CCDC62: variants seen among roughly 807,000 people sequenced by gnomAD.
CCDC62 encodes the protein coiled-coil domain containing 62, also known as coiled-coil domain-containing protein 62.
In CCDC62, 72 loss-of-function variants were observed where a neutral mutation model predicts 80.8. The ratio of observed to expected loss-of-function variants is 0.89; its 90% CI spans 0.74 to 1.08. The LOEUF is 1.08. CCDC62 is among the 50% of genes least tolerant of loss of function. The probability of loss-of-function intolerance (pLI) is 0.00; values close to 1 mark genes in which losing one functional copy is unlikely to be tolerated. For missense variants in CCDC62, 704 were observed against 809.4 expected (o/e 0.87, Z 1.58); for synonymous variants, 286 against 296.5 (o/e 0.96, Z 0.36).
Position 122,825,408 on chromosome 12 carries a change from G to A in CCDC62, c.*41-1014G>A, listed in dbSNP as rs1209224300. On this transcript the variant is annotated intron_variant, in intron 12 of 12. Transcript: ENST00000253079. ...GTCTCCCAGTCTGGAGTGCAGTGGT[G>A]CGATCTCAGCTCACTGCAACCTCCG... 2.1e-5 allele frequency among the ~76,000 whole-genome samples: 3 copies of A among 144,392 alleles called. No individual in the cohort carries two copies. In the East Asian group the frequency reaches 6.2e-4, roughly 30 times the overall value. 94.7% of individuals were successfully genotyped at this position (144,392 alleles called of 152,430 possible).
chr12:122,826,433 A>G lies in CCDC62; in HGVS notation c.*52A>G, dbSNP rs1428290835. On this transcript the variant is annotated 3_prime_UTR_variant, in exon 13 of 13. Coordinates refer to ENST00000253079, the MANE Select transcript of CCDC62 (RefSeq NM_201435.5). ...TCATCCAAAAGCAGATTTCTCATCT[A>G]TGTGGAAGGCAGAAAGCAGACACCA... 3.8e-6 allele frequency: 3 copies of G among 780,378 alleles called. No individual in the cohort carries two copies. The highest frequency in any genetic ancestry group is 1.7e-5 in the Admixed American group (1 of 58,970). 48.3% of individuals were successfully genotyped at this position (780,378 alleles called of 1,614,324 possible).
intron 2 of CCDC62, among the ~76,000 whole-genome samples, chr12:122,779,907 C>CAA (rs35466260): frequency 1.6e-3 from 104 of 63,446 alleles, no homozygotes; most frequent in African/African-American, 1.9e-3. Flanking sequence ...GACTCTGTCT[C>CAA]AAAAAAAAAA....
chr12:122,812,777 G>GAGAGAAAGAA (rs750420995), intron 10 of CCDC62, among the ~76,000 whole-genome samples: 3 of 57,760 alleles, frequency 5.2e-5, no homozygotes, highest in African/African-American at 2.3e-4. Flanking sequence ...GAGAGAGAGA[G>GAGAGAAAGAA]AGAAAGAAAG....
intron 8 of CCDC62, among the ~76,000 whole-genome samples, chr12:122,799,311 T>A (rs537279313): frequency 6.6e-6 from 1 of 152,100 alleles, no homozygotes; most frequent in Middle Eastern, 3.4e-3. Context: ...CATCCATCCA[T>A]CCATCCGTCC....
At chr12:122,810,350 A>C (rs2031816486) in intron 10 of CCDC62, among the ~76,000 whole-genome samples, 1 of 152,304 alleles carries the variant, frequency 6.6e-6, no homozygotes, top group East Asian at 1.9e-4. Flanking sequence ...CCATCAACAA[A>C]TGGGCGAAGG....
chr12:122,818,614 A>T (rs1250801778), intron 11 of CCDC62, among the ~76,000 whole-genome samples: 1 of 151,892 alleles, frequency 6.6e-6, no homozygotes, highest in South Asian at 2.1e-4. Context: ...AGAGTGGGAC[A>T]CTGTCTAAGA....
chr12:122,811,009 G>A (rs1185046160), intron 10 of CCDC62, among the ~76,000 whole-genome samples: 1 of 145,850 alleles, frequency 6.9e-6, no homozygotes, highest in East Asian at 2.0e-4. Flanking sequence ...ATCACACACT[G>A]GGGCCTGTTG....
intron 2 of CCDC62, among the ~76,000 whole-genome samples, chr12:122,780,614 AAAAATAAAAT>A (rs57578843): frequency 0.056 from 7,600 of 136,428 alleles, 342 homozygotes; most frequent in African/African-American, 0.12. Flanking sequence ...ACTCTGTCTC[AAAAATAAAAT>A]AAAATAAAAT....
At chr12:122,820,061 C>CTAAA (rs2032335581) in intron 11 of CCDC62, among the ~76,000 whole-genome samples, 1 of 58,122 alleles carries the variant, frequency 1.7e-5, no homozygotes, top group Non-Finnish European at 2.8e-5. Flanking sequence ...GATCCTGTCT[C>CTAAA]AAAAAAAAAA....
At chr12:122,824,848 G>T (rs531717691) in intron 12 of CCDC62, among the ~76,000 whole-genome samples, 1 of 152,270 alleles carries the variant, frequency 6.6e-6, no homozygotes, top group Non-Finnish European at 1.5e-5. Flanking sequence ...ACTTTGGGAG[G>T]CCGAGGCAGG....
At chr12:122,783,470 C>T (rs1036149787) in intron 3 of CCDC62, among the ~76,000 whole-genome samples, 6 of 152,090 alleles carry the variant, frequency 3.9e-5, no homozygotes, top group Non-Finnish European at 7.4e-5. Flanking sequence ...TCGTGATCTG[C>T]CCGCCTCGGC....
intron 10 of CCDC62, among the ~76,000 whole-genome samples, chr12:122,806,766 A>G (rs1445162424): frequency 6.6e-6 from 1 of 150,446 alleles, no homozygotes; most frequent in East Asian, 1.9e-4. Flanking sequence ...ATAAGTGTGA[A>G]TCACCGTGCT....
rs751983214 is a variant in CCDC62, at chr12:122,796,874, C to CTTTTT, written c.773-431_773-430insTTTTT. ...TAATCCCTGAATCTACAAATCACTT[C>CTTTTT]TTCTTTTTTTTTTTTTTTTTTTAAG... On this transcript the variant is annotated intron_variant, in intron 6 of 12. Transcript: ENST00000253079. Among the ~76,000 whole-genome samples the CTTTTT allele has an allele frequency of 8.2e-5, 12 of 145,542 alleles. 1 individual carries two copies. The highest frequency in any genetic ancestry group is 1.0e-4 in the Non-Finnish European group (7 of 66,860).
At chr12:122,815,944 T>C (rs1299123431) in intron 11 of CCDC62, among the ~76,000 whole-genome samples, 1 of 152,204 alleles carries the variant, frequency 6.6e-6, no homozygotes, top group Non-Finnish European at 1.5e-5. Context: ...CACGAAATGC[T>C]CTCTGATGGC....
intron 5 of CCDC62, 89 bp downstream of exon 5, chr12:122,789,018 G>A (rs2030441026): frequency 9.8e-7 from 1 of 1,021,302 alleles, no homozygotes; most frequent in Admixed American, 3.2e-5. Context: ...ATGCTTGAGA[G>A]TAGATCAATT....
chr12:122,777,978 ATAT>A (rs1466412455), intron 2 of CCDC62, among the ~76,000 whole-genome samples: 1 of 152,190 alleles, frequency 6.6e-6, no homozygotes, highest in Non-Finnish European at 1.5e-5. Flanking sequence ...TGAAGATGCC[ATAT>A]GACTAGCCAT....
intron 3 of CCDC62, 149 bp from the exon 4 acceptor site, chr12:122,785,570 T>G (rs1231730565): frequency 1.6e-6 from 1 of 644,626 alleles, no homozygotes; most frequent in African/African-American, 1.8e-5. Flanking sequence ...TAGGCTTTAT[T>G]AGCCCACTCC....
Position 122,801,593 on chromosome 12 carries a change from G to A in CCDC62, c.1447G>A (p.Asp483Asn). 6.2e-7 allele frequency: 1 copy of A among 1,614,152 alleles called. No homozygotes were observed. The highest frequency in any genetic ancestry group is 1.1e-5 in the South Asian group (1 of 91,078). The stretch of plus-strand genomic sequence containing the variant: ...AAGTTCAAAACATCCAGAAAAGCTG[G>A]ATGTAGAATGTCAAGATCAGATGGA... The part of the protein sequence containing the change: ...CPSSKHPEKL[D>N]VECQDQMERS... Residue 483 changes from aspartate to asparagine, a missense_variant, in exon 9 of 13, where the codon GAT (aspartate) becomes AAT (asparagine). By Grantham distance (23) the Asp-to-Asn change is conservative. Coordinates refer to ENST00000253079, the MANE Select transcript of CCDC62 (RefSeq NM_201435.5).
Position 122,813,352 on chromosome 12 carries a change from T to C in CCDC62, c.1934T>C (p.Val645Ala). 5 of 1,614,056 alleles carry C rather than the reference T, an allele frequency of 3.1e-6. No homozygotes were observed. The highest frequency in any genetic ancestry group is 4.2e-6 in the Non-Finnish European group (5 of 1,180,010). The stretch of plus-strand genomic sequence containing the variant: ...TTGCTGGCGGAATCTCGTCAGATGG[T>C]GACGGACCTGGAGCTGAGCACACTG... ...QRLLAESRQM[V>A]TDLELSTLLP... The change falls in exon 11 of 13, where the codon GTG (valine) becomes GCG (alanine). Residue 645 changes from valine to alanine, a missense_variant. Physicochemically the swap from Val to Ala is moderately conservative, Grantham distance 64. Transcript: ENST00000253079.
Sources: allele counts gnomAD v4.1 joint callset (sites outside exome capture counted in the v4.1 genomes callset), GRCh38; gene constraint gnomAD v4.1.1; transcripts MANE v1.5; gene names NCBI Gene and HGNC (gene_info 2026-07-23, HGNC 2026-07-21).